The following PCDHGA5 variants were observed in gnomAD, a reference collection of about 807,000 sequenced individuals.
PCDHGA5 encodes protocadherin gamma-A5.
Under a neutral mutation model 56.7 loss-of-function variants are expected in PCDHGA5, and 36 were observed. That is an observed-to-expected ratio of 0.64 (90% confidence interval 0.49 to 0.84). The LOEUF is 0.84. Ranked by LOEUF, PCDHGA5 falls within the 40% of genes least tolerant of loss-of-function variation. The pLI is 0.00. For missense variants in PCDHGA5, 1,305 were observed against 1,201.5 expected, an observed-to-expected ratio of 1.09 and a Z score of -1.27; for synonymous variants, 563 against 520.2, an observed-to-expected ratio of 1.08 and a Z score of -1.12.
In PCDHGA5 at chr5:141,489,077, C is replaced by CCCCCCACCGGG; in HGVS notation, c.2422-5730_2422-5729insCCCCCACCGGG. ...AGCTCCCCTCCCCCCTGCCCACCCCCGCCACTCGGTGACTAAGAACTGCTG... is the reference window on the plus strand; with the variant it reads ...AGCTCCCCTCCCCCCTGCCCACCCCCCCCCCACCGGGGCCACTCGGTGACTAAGAACTGCTG... On this transcript the variant is annotated intron_variant, in intron 1 of 3. Transcript: ENST00000518069. The surrounding 1 kb of genome is among the most constrained non-coding windows in gnomAD (Gnocchi z 4.5). 6.1e-6 allele frequency: 2 copies of CCCCCCACCGGG among 325,756 alleles called. No individual in the cohort carries two copies. Among genetic ancestry groups the CCCCCCACCGGG allele is most frequent in the Non-Finnish European group, 5.5e-6 (1 of 181,460 alleles). The allele number at this position is 325,756 out of a possible 1,614,324, so 20.2% of individuals were successfully genotyped here.
chr5:141,442,051 C>G (rs1384937090), intron 1 of PCDHGA5: 1 of 197,158 alleles, frequency 5.1e-6, no homozygotes, highest in East Asian at 1.8e-4. Context: ...CTACTGGTCG[C>G]GGTGCACTGC....
chr5:141,375,190 T>C, intron 1 of PCDHGA5: 1 of 1,613,964 alleles, frequency 6.2e-7, no homozygotes, highest in South Asian at 1.1e-5. Context: ...TCGCCCTTTT[T>C]CAAGTGTTCG....
rs540147412 is a variant in PCDHGA5 at position 141,381,240 on chromosome 5, G to A, written c.2421+14489G>A. 4.6e-5 allele frequency among the ~76,000 whole-genome samples: 7 copies of A among 152,318 alleles called. No homozygotes were observed. The South Asian group carries it at 1.4e-3, about 32-fold the overall frequency. ...TCCTGGTTCCACCAACTACTCTCCA[G>A]GACCTAGAAGAATTTACAAACCAAG... On this transcript the variant is annotated intron_variant, in intron 1 of 3. Coordinates refer to ENST00000518069, the MANE Select transcript of PCDHGA5 (RefSeq NM_018918.3).
intron 1 of PCDHGA5, among the ~76,000 whole-genome samples, chr5:141,494,039 G>A (rs901795348): frequency 2.0e-5 from 3 of 152,144 alleles, no homozygotes; most frequent in Non-Finnish European, 4.4e-5. Context: ...GACTTAGTTG[G>A]CCCTGCTTGG....
intron 1 of PCDHGA5, among the ~76,000 whole-genome samples, chr5:141,455,286 T>G (rs889792228): frequency 6.6e-6 from 1 of 152,176 alleles, no homozygotes; most frequent in African/African-American, 2.4e-5. Flanking sequence ...AACATCACTT[T>G]ACATAGTTTC....
intron 1 of PCDHGA5, chr5:141,399,671 C>T (rs764084700): frequency 1.2e-6 from 2 of 1,613,512 alleles, no homozygotes; most frequent in East Asian, 4.5e-5. Flanking sequence ...GCGCAGCGCG[C>T]CTTTGACTAC....
chr5:141,473,148 C>T (rs1381616255), intron 1 of PCDHGA5, among the ~76,000 whole-genome samples: 1 of 152,184 alleles, frequency 6.6e-6, no homozygotes, highest in Non-Finnish European at 1.5e-5. Flanking sequence ...CTCTTCAGAT[C>T]ACTAGGGCTA....
chr5:141,451,576 C>G (rs997933491), intron 1 of PCDHGA5, among the ~76,000 whole-genome samples: 10 of 152,164 alleles, frequency 6.6e-5, no homozygotes, highest in Middle Eastern at 3.4e-3. Context: ...TTTTTATAAA[C>G]CTAATTTTGA....
At chr5:141,398,255 A>T (rs1244403375) in intron 1 of PCDHGA5, 1 of 1,457,928 alleles carries the variant, frequency 6.9e-7, no homozygotes, top group African/African-American at 1.4e-5. Context: ...GAAATGCCCA[A>T]GGGCTCCGTA....
intron 1 of PCDHGA5, chr5:141,405,433 T>G (rs539486666): frequency 2.0e-6 from 3 of 1,471,752 alleles, no homozygotes; most frequent in Admixed American, 3.9e-5. Flanking sequence ...TTTTGTTTTG[T>G]TTTTGAGACA....
chr5:141,378,542 TAATA>T (rs1181738762), intron 1 of PCDHGA5: 54 of 152,104 alleles, frequency 3.6e-4, no homozygotes, highest in Admixed American at 3.5e-3. Flanking sequence ...TAATGATAAT[TAATA>T]AATAAAGAGT....
chr5:141,487,041 G>C lies in PCDHGA5; in HGVS notation c.2422-7766G>C, dbSNP rs149314216. On this transcript the variant is annotated intron_variant, in intron 1 of 3. Coordinates refer to ENST00000518069, the MANE Select transcript of PCDHGA5 (RefSeq NM_018918.3). The surrounding 1 kb of genome is among the most constrained non-coding windows in gnomAD (Gnocchi z 5.0). ...GATCCCAGCCTGTTTGCAGTCTCTC[G>C]ATATGCTGGGGAGGTGCGGACGGCT... 2.5e-6 allele frequency: 4 copies of C among 1,614,018 alleles called. No homozygotes were observed. Among genetic ancestry groups the C allele is most frequent in the South Asian group, 2.2e-5 (2 of 91,084 alleles).
chr5:141,400,231 G>T (rs572459159), intron 1 of PCDHGA5: 62 of 1,613,870 alleles, frequency 3.8e-5, no homozygotes, highest in Non-Finnish European at 5.1e-5. Flanking sequence ...CTTCCTCCTG[G>T]CCGTGATTCT....
chr5:141,445,137 T>C (rs933188032), intron 1 of PCDHGA5, among the ~76,000 whole-genome samples: 9 of 152,248 alleles, frequency 5.9e-5, no homozygotes, highest in Admixed American at 3.3e-4. Context: ...AAATTGTATC[T>C]TCTAATTGTT....
intron 1 of PCDHGA5, among the ~76,000 whole-genome samples, chr5:141,402,328 A>G (rs1589453798): frequency 6.6e-6 from 1 of 152,000 alleles, no homozygotes; most frequent in Non-Finnish European, 1.5e-5. Context: ...ACATTTACAA[A>G]TATATAGGTA....
intron 3 of PCDHGA5, among the ~76,000 whole-genome samples, chr5:141,509,347 C>A (rs755234053): frequency 2.6e-5 from 4 of 152,142 alleles, no homozygotes; most frequent in Non-Finnish European, 5.9e-5. Context: ...CCTGGGCTGG[C>A]CTGGGCATCC....
Position 141,487,870 on chromosome 5 carries a change from C to A in PCDHGA5, c.2422-6937C>A. On this transcript the variant is annotated intron_variant, in intron 1 of 3. Transcript: ENST00000518069. This position sits in a 1 kb window ranked among gnomAD's most constrained non-coding sequence, Gnocchi z 5.0. ...AATGAAAGTAATTGGTGATCAAGAGCCAGGCTGTTGTGGAAGCATGATGAT... is the reference window on the plus strand; with the variant it reads ...AATGAAAGTAATTGGTGATCAAGAGACAGGCTGTTGTGGAAGCATGATGAT... 3.5e-6 allele frequency: 3 copies of A among 865,052 alleles called. No individual in the cohort carries two copies. The highest frequency in any genetic ancestry group is 5.3e-6 in the Non-Finnish European group (3 of 568,628). The allele number at this position is 865,052 out of a possible 1,614,324, so 53.6% of individuals were successfully genotyped here.
intron 1 of PCDHGA5, chr5:141,372,330 G>C (rs764870915): frequency 1.9e-5 from 31 of 1,613,614 alleles, no homozygotes; most frequent in Non-Finnish European, 2.5e-5. Flanking sequence ...GCTGGTCACT[G>C]TGCGTGATGG....
chr5:141,410,068 C>T (rs2095353806), intron 1 of PCDHGA5: 1 of 1,612,832 alleles, frequency 6.2e-7, no homozygotes, highest in Non-Finnish European at 8.5e-7. Context: ...TGGGGCTGCG[C>T]ACTGGGGAGG....
Sources: gnomAD v4.1 joint callset for allele counts (sites outside exome capture counted in the v4.1 genomes callset) on GRCh38, gnomAD v4.1.1 for gene constraint, Gnocchi (gnomAD v3.1) non-coding constraint, MANE v1.5 for transcripts, NCBI Gene and HGNC (gene_info 2026-07-23, HGNC 2026-07-21) for gene names.